JAKMIP3: variants seen among roughly 807,000 people sequenced by gnomAD.
The protein encoded by JAKMIP3 is janus kinase and microtubule-interacting protein 3.
In JAKMIP3, 58 loss-of-function variants were observed where a neutral mutation model predicts 118.5. That is an observed-to-expected ratio of 0.49 (90% CI 0.40 to 0.61). The LOEUF (loss-of-function observed/expected upper bound fraction) is 0.61, where lower values mean the gene tolerates loss of function less well. Ranked by LOEUF, JAKMIP3 falls within the 20% of genes least tolerant of loss-of-function variation. The probability of loss-of-function intolerance (pLI) is 0.00; values close to 1 mark genes in which losing one functional copy is unlikely to be tolerated. For synonymous variants in JAKMIP3, 486 were observed against 451.2 expected (o/e 1.08, Z -0.98); for missense variants, 950 against 1,109.0 (o/e 0.86, Z 2.04).
chr10:132,113,764 G>C (rs2047212250), intron 2 of JAKMIP3, among the ~76,000 whole-genome samples: 1 of 152,188 alleles, frequency 6.6e-6, no homozygotes, highest in Non-Finnish European at 1.5e-5. Flanking sequence ...ACCAGGGATT[G>C]ATTTTGGCAC....
At chr10:132,122,443 G>A (rs1195534271) in intron 3 of JAKMIP3, among the ~76,000 whole-genome samples, 5 of 152,274 alleles carry the variant, frequency 3.3e-5, no homozygotes, top group Non-Finnish European at 7.3e-5. Flanking sequence ...AGCCCACTGG[G>A]CACCTCAGTT....
At chr10:132,063,405 G>A (rs1048915626), upstream of JAKMIP3, among the ~76,000 whole-genome samples, 4 of 58,888 alleles carry the variant, frequency 6.8e-5, no homozygotes, top group Admixed American at 6.5e-4. Context: ...TGGCAATGTG[G>A]CTGGGAGGCT....
chr10:132,055,885 C>T (rs1463615688), intron 1 of JAKMIP3, among the ~76,000 whole-genome samples: 3 of 152,198 alleles, frequency 2.0e-5, no homozygotes, highest in Non-Finnish European at 4.4e-5. Context: ...CTTCCTGCCT[C>T]AAGTCTTGTT....
intron 17 of JAKMIP3, 50 bp downstream of exon 17, chr10:132,153,073 T>G: frequency 6.9e-7 from 1 of 1,445,872 alleles, no homozygotes; most frequent in Non-Finnish European, 9.6e-7. Context: ...TCCTGGGGTC[T>G]CCTGCCCTGC....
chr10:132,141,143 A>G (rs891939149), intron 10 of JAKMIP3, among the ~76,000 whole-genome samples: 18 of 152,322 alleles, frequency 1.2e-4, no homozygotes, highest in Middle Eastern at 3.4e-3. Flanking sequence ...GCTGTGGGAC[A>G]AGGAGTGGGG....
chr10:132,119,553 T>C (rs2048227567), intron 3 of JAKMIP3, among the ~76,000 whole-genome samples: 3 of 152,200 alleles, frequency 2.0e-5, no homozygotes, highest in Admixed American at 1.3e-4. Context: ...GACTTTCTGG[T>C]GTCTCATTGT....
At chr10:132,063,183 G>A (rs753570666), upstream of JAKMIP3, among the ~76,000 whole-genome samples, 1 of 152,284 alleles carries the variant, frequency 6.6e-6, no homozygotes, top group Middle Eastern at 3.4e-3. Context: ...GCCAGGGACG[G>A]GCTGTGGGAT....
At position 132,179,029 on chromosome 10, in the gene JAKMIP3, G is replaced by A. The variant is rs1373682949; in HGVS notation, c.*1104-3328G>A. The stretch of plus-strand genomic sequence containing the variant: ...CTGGTGCCTTCGTGCCCGTGGGGCT[G>A]GGGGCCCCGACCTGTGGAAACACCC... On this transcript the variant is annotated intron_variant, in intron 23 of 23. Coordinates refer to ENST00000684848, the MANE Select transcript of JAKMIP3 (RefSeq NM_001323087.2). The surrounding 1 kb of genome is among the most constrained non-coding windows in gnomAD (Gnocchi z 4.3). 1.3e-5 allele frequency among the ~76,000 whole-genome samples: 2 copies of A among 152,230 alleles called. No homozygotes were observed. The highest frequency in any genetic ancestry group is 2.9e-5 in the Non-Finnish European group (2 of 68,032).
chr10:132,159,491 G>GC (rs2057608005), intron 19 of JAKMIP3, among the ~76,000 whole-genome samples: 1 of 91,604 alleles, frequency 1.1e-5, no homozygotes, highest in Non-Finnish European at 2.1e-5. Context: ...GCTGGAGGAG[G>GC]CTCTCCCTGT....
intron 3 of JAKMIP3, among the ~76,000 whole-genome samples, chr10:132,130,177 A>AC (rs2050301953): frequency 6.6e-6 from 1 of 151,628 alleles, no homozygotes; most frequent in African/African-American, 2.4e-5. Context: ...CCTCCAACGC[A>AC]CCCCCACCCA....
At chr10:132,110,699 A>G (rs908714912) in intron 2 of JAKMIP3, among the ~76,000 whole-genome samples, 2 of 152,264 alleles carry the variant, frequency 1.3e-5, no homozygotes, top group Admixed American at 1.3e-4. Context: ...CTGAGATCTG[A>G]CAACTCAAGA....
At chr10:132,080,261 T>G (rs2041551351) in intron 1 of JAKMIP3, among the ~76,000 whole-genome samples, 1 of 152,194 alleles carries the variant, frequency 6.6e-6, no homozygotes. Context: ...GTACCAGGCT[T>G]CCAATTTCTG....
At chr10:132,108,510 G>T (rs893449286) in intron 2 of JAKMIP3, among the ~76,000 whole-genome samples, 2 of 152,044 alleles carry the variant, frequency 1.3e-5, no homozygotes, top group Non-Finnish European at 2.9e-5. Flanking sequence ...CACAGGTGGA[G>T]CCTCAGACAA....
chr10:132,078,882 G>A (rs535067046), intron 1 of JAKMIP3, among the ~76,000 whole-genome samples: 3 of 152,364 alleles, frequency 2.0e-5, no homozygotes, highest in East Asian at 3.9e-4. Context: ...CTAGGGGGCC[G>A]GATGATTGGC....
Position 132,104,727 on chromosome 10 carries a change from G to A in JAKMIP3, c.-82G>A, listed in dbSNP as rs2045638643. ...CCGGGTGACACCTGCTGGGAGCTTG[G>A]CGTGGACACCCCAGCCACCCCCAGC... On this transcript the variant is annotated 5_prime_UTR_variant, in exon 2 of 24. Coordinates refer to ENST00000684848, the MANE Select transcript of JAKMIP3 (RefSeq NM_001323087.2). 3 of 1,412,982 alleles carry A rather than the reference G, an allele frequency of 2.1e-6. No individual in the cohort carries two copies. The highest frequency in any genetic ancestry group is 2.6e-5 in the South Asian group (2 of 77,408). The allele number at this position is 1,412,982 out of a possible 1,614,324, so 87.5% of individuals were successfully genotyped here.
At chr10:132,039,128 C>A (rs1365208761) in intron 1 of JAKMIP3, among the ~76,000 whole-genome samples, 4 of 152,316 alleles carry the variant, frequency 2.6e-5, no homozygotes, top group Middle Eastern at 3.4e-3. Flanking sequence ...AGCATTCGAA[C>A]CTCTGTCTCA....
chr10:132,114,398 T>C (rs2047322093), intron 2 of JAKMIP3, among the ~76,000 whole-genome samples: 3 of 152,196 alleles, frequency 2.0e-5, no homozygotes, highest in South Asian at 4.2e-4. Flanking sequence ...AATTAATTTA[T>C]TTTTTTTGTA....
intron 1 of JAKMIP3, among the ~76,000 whole-genome samples, chr10:132,047,876 G>A (rs1426089594): frequency 7.7e-6 from 1 of 129,246 alleles, no homozygotes; most frequent in African/African-American, 2.8e-5. Context: ...CCCACCCCCC[G>A]CCCCGCCCCC....
chr10:132,091,653 G>A (rs1233155808), intron 1 of JAKMIP3, among the ~76,000 whole-genome samples: 1 of 152,020 alleles, frequency 6.6e-6, no homozygotes, highest in African/African-American at 2.4e-5. Flanking sequence ...TTTATTTTGA[G>A]CCTATGTGTG....
Sources: gnomAD v4.1 joint callset for allele counts (sites outside exome capture counted in the v4.1 genomes callset) on GRCh38, gnomAD v4.1.1 for gene constraint, Gnocchi (gnomAD v3.1) non-coding constraint, MANE v1.5 for transcripts, NCBI Gene and HGNC (gene_info 2026-07-23, HGNC 2026-07-21) for gene names.